The following MSH3 variants were observed in gnomAD, a reference collection of about 807,000 sequenced individuals.
The protein encoded by MSH3 is mutS homolog 3.
A neutral mutation model predicts 123.3 loss-of-function variants in MSH3; 106 were observed. The ratio of observed to expected loss-of-function variants is 0.86; its 90% CI spans 0.73 to 1.01. The LOEUF is 1.01. MSH3 is among the 50% of genes least tolerant of loss of function. The probability of loss-of-function intolerance (pLI) is 0.00; values close to 1 mark genes in which losing one functional copy is unlikely to be tolerated. For missense variants in MSH3, 1,459 were observed against 1,347.6 expected, an observed-to-expected ratio of 1.08 and a Z score of -1.29; for synonymous variants, 515 against 481.4, an observed-to-expected ratio of 1.07 and a Z score of -0.91.
At chr5:80,669,797 T>G (rs1458505107) in intron 3 of MSH3, among the ~76,000 whole-genome samples, 6 of 152,240 alleles carry the variant, frequency 3.9e-5, no homozygotes, top group Non-Finnish European at 8.8e-5. Flanking sequence ...GTGTTAATAA[T>G]AATAGATTTA....
intron 4 of MSH3, 119 bp from the exon 5 acceptor site, chr5:80,672,125 T>C: frequency 1.3e-6 from 1 of 765,868 alleles, no homozygotes; most frequent in East Asian, 2.7e-5. Context: ...AGTACACATT[T>C]AGATTAAGTG....
At chr5:80,669,802 G>T (rs1251372443) in intron 3 of MSH3, among the ~76,000 whole-genome samples, 1 of 152,048 alleles carries the variant, frequency 6.6e-6, no homozygotes, top group African/African-American at 2.4e-5. Context: ...AATAATAATA[G>T]ATTTAATGAA....
chr5:80,764,030 C>T (rs753272171), intron 13 of MSH3, among the ~76,000 whole-genome samples: 2 of 152,194 alleles, frequency 1.3e-5, no homozygotes, highest in Non-Finnish European at 2.9e-5. Flanking sequence ...GATCTGGTAA[C>T]AAACCAACTT....
chr5:80,685,795 A>G (rs1750076219), intron 8 of MSH3, among the ~76,000 whole-genome samples: 1 of 152,070 alleles, frequency 6.6e-6, no homozygotes, highest in Non-Finnish European at 1.5e-5. Context: ...TTTTAGCTAT[A>G]AACTTCCCTC....
chr5:80,802,833 T>C (rs1260700665), intron 19 of MSH3, among the ~76,000 whole-genome samples: 1 of 152,200 alleles, frequency 6.6e-6, no homozygotes, highest in East Asian at 1.9e-4. Context: ...AGTTTATCAC[T>C]TTGTGGCTGG....
In MSH3 at chr5:80,813,710, A is replaced by T; in HGVS notation, c.2782A>T (p.Thr928Ser). 6.2e-7 allele frequency: 1 copy of T among 1,614,166 alleles called. No individual in the cohort carries two copies. Among genetic ancestry groups the T allele is most frequent in the Non-Finnish European group, 8.5e-7 (1 of 1,180,016 alleles). ...IGSYVPAEEA[T>S]IGIVDGIFTR... ...CTCCTATGTTCCTGCAGAAGAAGCG[A>T]CAATTGGGATTGTGGATGGCATTTT... is the stretch of plus-strand genomic sequence containing the variant. Residue 928 changes from threonine (T) to serine (S), a missense_variant, in exon 20 of 24, where the codon ACA (threonine) becomes TCA (serine). By Grantham distance (58) the Thr-to-Ser change is moderately conservative (BLOSUM62 1). Transcript: ENST00000265081.
rs751049112 is a variant in MSH3, at chr5:80,725,422, T to G, written c.1341-31T>G. The G allele has an allele frequency of 4.0e-6, 6 of 1,488,322 alleles. No homozygotes were observed. The African/African-American group carries it at 5.5e-5, about 14-fold the overall frequency. 92.2% of individuals were successfully genotyped at this position (1,488,322 alleles called of 1,614,324 possible). A position where few individuals can be genotyped will look rare whatever the true frequency, so the allele number is the denominator to read the frequency against. ...CCAGCATTTCATGATAATGGATAAG[T>G]TATCTTTGAAATTTTCCTTTTTTCT... On this transcript the variant is annotated intron_variant, in intron 8 of 23. Transcript: ENST00000265081.
chr5:80,816,103 C>G (rs1745098439), intron 20 of MSH3, among the ~76,000 whole-genome samples: 1 of 152,190 alleles, frequency 6.6e-6, no homozygotes, highest in Admixed American at 6.5e-5. Flanking sequence ...ATTCATCCAA[C>G]ATGTACTAAG....
chr5:80,788,398 C>G (rs1164402151), intron 18 of MSH3, among the ~76,000 whole-genome samples: 1 of 152,084 alleles, frequency 6.6e-6, no homozygotes. Flanking sequence ...GATCGTGCCA[C>G]TGCACTCCAT....
Position 80,850,971 on chromosome 5 carries a change from T to G in MSH3, c.2814-3159T>G, listed in dbSNP as rs573090850. Among the ~76,000 whole-genome samples, 13 of 152,348 alleles carry G rather than the reference T, an allele frequency of 8.5e-5. No individual in the cohort carries two copies. In the East Asian group the frequency reaches 2.5e-3, roughly 29 times the overall value. On this transcript the variant is annotated intron_variant, in intron 20 of 23. Transcript: ENST00000265081. ...TCCTTTTTCTAGCAGACTCCTCCAC[T>G]GAAGTTAAAAAATTTCTGGTGACCT...
intron 17 of MSH3, among the ~76,000 whole-genome samples, chr5:80,784,343 A>G (rs1744466723): frequency 6.6e-6 from 1 of 151,972 alleles, no homozygotes. Flanking sequence ...AACTCTAAAC[A>G]CCCAGGGCAG....
rs1580034820 is a variant in MSH3, at chr5:80,768,872, G to A, written c.2122G>A (p.Asp708Asn). Residue 708 changes from aspartate (D) to asparagine (N), a missense_variant, in exon 15 of 24, where the codon GAC becomes AAC. Transcript: ENST00000265081. ...AACTGAATTATTTAAAGACCTTTCT[G>A]ACTTCCCTTTAATAAAAAAGAGGAA... ...DKTELFKDLS[D>N]FPLIKKRKDE... 2 of 1,611,124 alleles carry A rather than the reference G, an allele frequency of 1.2e-6. No individual in the cohort carries two copies. The highest frequency in any genetic ancestry group is 8.5e-7 in the Non-Finnish European group (1 of 1,177,686).
rs2112118387 is a variant in MSH3, at chr5:80,864,846, C to T, written c.3034C>T (p.Pro1012Ser). ...KSLTLFVTHY[P>S]PVCELEKNYS... Reference sequence around the variant, plus strand: ...CTTAACCCTGTTTGTCACCCATTATCCGCCAGTTTGTGAACTAGAAAAAAA... The same window carrying T: ...CTTAACCCTGTTTGTCACCCATTATTCGCCAGTTTGTGAACTAGAAAAAAA... The change falls in exon 22 of 24, where the codon CCG becomes TCG. Residue 1012 changes from proline to serine, a missense_variant. Pro to Ser is a moderately conservative substitution (Grantham distance 74, BLOSUM62 -1). Transcript: ENST00000265081. The T allele has an allele frequency of 6.2e-7, 1 of 1,612,854 alleles. No homozygotes were observed. The highest frequency in any genetic ancestry group is 8.5e-7 in the Non-Finnish European group (1 of 1,178,886).
chr5:80,735,211 C>T (rs1743482528), intron 10 of MSH3, among the ~76,000 whole-genome samples: 1 of 152,018 alleles, frequency 6.6e-6, no homozygotes, highest in Non-Finnish European at 1.5e-5. Flanking sequence ...TGGCGAAACC[C>T]CGTCTCTACT....
intron 20 of MSH3, among the ~76,000 whole-genome samples, chr5:80,836,543 C>CAAGAA (rs1745517170): frequency 8.4e-6 from 1 of 118,822 alleles, no homozygotes; most frequent in Non-Finnish European, 1.7e-5. Context: ...GAATATGCCA[C>CAAGAA]AAAAAAAAAA....
At chr5:80,729,430 A>AAATGTGTGTGTGTG (rs1491210653) in intron 10 of MSH3, among the ~76,000 whole-genome samples, 17 of 78,350 alleles carry the variant, frequency 2.2e-4, no homozygotes, top group African/African-American at 9.0e-4. Context: ...AAAAAAAAAA[A>AAATGTGTGTGTGTG]TGTGTGTGTG....
At chr5:80,747,165 C>A (rs184185931) in intron 12 of MSH3, among the ~76,000 whole-genome samples, 1 of 152,296 alleles carries the variant, frequency 6.6e-6, no homozygotes, top group African/African-American at 2.4e-5. Context: ...GAAAGGCTGC[C>A]TAAACATCTA....
chr5:80,703,916 A>G (rs755886405), intron 8 of MSH3, among the ~76,000 whole-genome samples: 2 of 152,004 alleles, frequency 1.3e-5, no homozygotes, highest in Admixed American at 1.3e-4. Flanking sequence ...AATCTTTTAT[A>G]ATGGGCCAGG....
chr5:80,841,512 C>G (rs11950254), intron 20 of MSH3, among the ~76,000 whole-genome samples: 24,046 of 152,216 alleles, frequency 0.16, 1,999 homozygotes, highest in East Asian at 0.24. Context: ...CTAGTTTACA[C>G]TCCCACCAAC....
Sources: allele counts gnomAD v4.1 joint callset (sites outside exome capture counted in the v4.1 genomes callset), GRCh38; gene constraint gnomAD v4.1.1; transcripts MANE v1.5; gene names NCBI Gene and HGNC (gene_info 2026-07-23, HGNC 2026-07-21).